The following PBX1 variants were observed in gnomAD, a reference collection of about 807,000 sequenced individuals.
PBX1 encodes the protein PBX homeobox 1.
In PBX1, 6 loss-of-function variants were observed where a neutral mutation model predicts 53.4. The observed-to-expected ratio is 0.11, with a 90% CI of 0.06 to 0.22. The LOEUF (loss-of-function observed/expected upper bound fraction) is 0.22. PBX1 is among the 10% of genes least tolerant of loss of function. The pLI, the probability that PBX1 is intolerant of heterozygous loss-of-function variation, is 1.00. For missense variants in PBX1, 251 were observed against 551.4 expected (o/e 0.46, Z 5.46); for synonymous variants, 204 against 212.3 (o/e 0.96, Z 0.34).
chr1:164,710,568 C>T (rs548868157), intron 2 of PBX1, among the ~76,000 whole-genome samples: 1 of 152,204 alleles, frequency 6.6e-6, no homozygotes, highest in South Asian at 2.1e-4. Flanking sequence ...TGCACCACCA[C>T]ACCTGGCTAA....
intron 2 of PBX1, among the ~76,000 whole-genome samples, chr1:164,754,290 T>G (rs1666388219): frequency 6.6e-6 from 1 of 152,172 alleles, no homozygotes; most frequent in South Asian, 2.1e-4. Flanking sequence ...TGCTGGATCT[T>G]GGGTCTGTGC....
chr1:164,708,384 A>T (rs1196113667), intron 2 of PBX1, among the ~76,000 whole-genome samples: 3 of 2,014 alleles, frequency 1.5e-3, no homozygotes, highest in African/African-American at 2.5e-3. Flanking sequence ...GTCTTTTTTT[A>T]AAAAAAATAT....
chr1:164,779,206 A>G (rs1450262513), intron 2 of PBX1, among the ~76,000 whole-genome samples: 1 of 151,874 alleles, frequency 6.6e-6, no homozygotes, highest in Non-Finnish European at 1.5e-5. Flanking sequence ...GTTCTTCTCT[A>G]CCACATTGTC....
chr1:164,691,313 G>C (rs79074882), intron 2 of PBX1, among the ~76,000 whole-genome samples: 5 of 152,050 alleles, frequency 3.3e-5, no homozygotes, highest in Non-Finnish European at 7.4e-5. Flanking sequence ...TGTGCCCGGC[G>C]AGAGTTGTTT....
At chr1:164,624,167 A>G (rs1050021938) in intron 2 of PBX1, among the ~76,000 whole-genome samples, 3 of 152,256 alleles carry the variant, frequency 2.0e-5, no homozygotes, top group Non-Finnish European at 2.9e-5. Flanking sequence ...TACTGTTGCC[A>G]TTGATCATAC....
chr1:164,629,071 C>T (rs1051150405), intron 2 of PBX1, among the ~76,000 whole-genome samples: 6 of 152,108 alleles, frequency 3.9e-5, no homozygotes, highest in African/African-American at 1.4e-4. Flanking sequence ...GGGGCCAGTG[C>T]TGTGGCCCTT....
chr1:164,706,070 A>T (rs1206299294), intron 2 of PBX1, among the ~76,000 whole-genome samples: 1 of 150,456 alleles, frequency 6.6e-6, no homozygotes, highest in Non-Finnish European at 1.5e-5. Flanking sequence ...AAAAATCTAG[A>T]CACTTGTGAC....
At chr1:164,821,716 G>A (rs1670164916) in intron 8 of PBX1, 90 bp downstream of exon 8, 2 of 930,648 alleles carry the variant, frequency 2.1e-6, no homozygotes, top group Admixed American at 3.8e-5. Flanking sequence ...ATGCCACTTA[G>A]TAGGGCTTAT....
intron 2 of PBX1, among the ~76,000 whole-genome samples, chr1:164,602,926 C>T (rs986957908): frequency 3.9e-5 from 6 of 152,174 alleles, no homozygotes; most frequent in South Asian, 2.1e-4. Context: ...CGTCCCGTCC[C>T]GGCTGGCAGG....
At chr1:164,870,870 A>G (rs376218440) in intron 2 of PBX1, among the ~76,000 whole-genome samples, 6 of 152,188 alleles carry the variant, frequency 3.9e-5, no homozygotes, top group African/African-American at 1.2e-4. Context: ...CCCATCTCCT[A>G]TTTTGCTCAA....
intron 2 of PBX1, among the ~76,000 whole-genome samples, chr1:164,732,872 C>G (rs77809353): frequency 6.6e-6 from 1 of 151,364 alleles, no homozygotes; most frequent in East Asian, 2.0e-4. Context: ...TTTATGTCGT[C>G]TGAATTCTCA....
intron 2 of PBX1, among the ~76,000 whole-genome samples, chr1:164,673,897 A>C (rs1233930613): frequency 6.6e-6 from 1 of 152,150 alleles, no homozygotes; most frequent in Non-Finnish European, 1.5e-5. Context: ...CTACAAAAGC[A>C]CAATGATAGC....
At chr1:164,777,973 CA>C (rs1667751583) in intron 2 of PBX1, among the ~76,000 whole-genome samples, 2 of 152,130 alleles carry the variant, frequency 1.3e-5, no homozygotes, top group African/African-American at 4.8e-5. Flanking sequence ...AACCTTGATA[CA>C]AGTGTTAGAT....
intron 2 of PBX1, chr1:164,884,509 G>A (rs868191442): frequency 2.0e-6 from 1 of 494,076 alleles, no homozygotes; most frequent in Non-Finnish European, 4.0e-6. Flanking sequence ...TGTTAAAGTT[G>A]TGAGTTAAAC....
At chr1:164,724,331 A>C (rs746040718) in intron 2 of PBX1, among the ~76,000 whole-genome samples, 2 of 152,180 alleles carry the variant, frequency 1.3e-5, no homozygotes, top group Non-Finnish European at 2.9e-5. Flanking sequence ...TATGTATGTC[A>C]TACAAACAGA....
chr1:164,591,786 T>A (rs1655399136), intron 2 of PBX1, among the ~76,000 whole-genome samples: 1 of 152,174 alleles, frequency 6.6e-6, no homozygotes, highest in Non-Finnish European at 1.5e-5. Context: ...AATGGAGAGA[T>A]CCATGCCCTA....
At chr1:164,653,626 C>T (rs781144228) in intron 2 of PBX1, among the ~76,000 whole-genome samples, 4 of 152,090 alleles carry the variant, frequency 2.6e-5, no homozygotes, top group African/African-American at 7.2e-5. Context: ...AAAAATTAGC[C>T]AGGCGTGGTG....
intron 2 of PBX1, among the ~76,000 whole-genome samples, chr1:164,780,255 A>T (rs1338678560): frequency 6.6e-6 from 1 of 152,186 alleles, no homozygotes; most frequent in African/African-American, 2.4e-5. Context: ...CCCGTCTGAA[A>T]ATCAGAGCCT....
At chr1:164,745,576 A>C (rs1015753558) in intron 2 of PBX1, among the ~76,000 whole-genome samples, 2 of 152,178 alleles carry the variant, frequency 1.3e-5, no homozygotes, top group African/African-American at 4.8e-5. Context: ...GCATCATCTA[A>C]ATTTAAAGCA....
Sources: gnomAD v4.1 joint callset for allele counts (sites outside exome capture counted in the v4.1 genomes callset) on GRCh38, gnomAD v4.1.1 for gene constraint, MANE v1.5 for transcripts, NCBI Gene and HGNC (gene_info 2026-07-23, HGNC 2026-07-21) for gene names.